The following LRRC58 variants were observed in gnomAD, a reference collection of about 807,000 sequenced individuals.
LRRC58 encodes leucine rich repeat containing 58, also known as leucine-rich repeat-containing protein 58.
Under a neutral mutation model 30.6 loss-of-function variants are expected in LRRC58, and 18 were observed. The ratio of observed to expected loss-of-function variants is 0.59; its 90% CI spans 0.41 to 0.87. LRRC58 has a LOEUF of 0.87. LRRC58 is among the 40% of genes least tolerant of loss of function. The pLI, the probability that LRRC58 is intolerant of heterozygous loss-of-function variation, is 0.00. For synonymous variants in LRRC58, 221 were observed against 206.0 expected (o/e 1.07, Z -0.62); for missense variants, 420 against 468.4 (o/e 0.90, Z 0.95).
chr3:120,339,249 G>A lies in LRRC58; in HGVS notation c.501-3296C>T, dbSNP rs6803206. On this transcript the variant is annotated intron_variant, in intron 1 of 3. Transcript: ENST00000295628. ...CCAGGAGTTACCCCCTTCAATTTTC[G>A]TTGTACTCTCTCAGTCTCAAACACA... is the stretch of plus-strand genomic sequence containing the variant. Among the ~76,000 whole-genome samples, 12 of 151,730 alleles carry A rather than the reference G, an allele frequency of 7.9e-5. No homozygotes were observed. In the South Asian group the frequency reaches 1.9e-3, roughly 24 times the overall value.
intron 1 of LRRC58, among the ~76,000 whole-genome samples, chr3:120,340,378 T>C (rs991440080): frequency 1.3e-5 from 2 of 152,204 alleles, no homozygotes; most frequent in African/African-American, 4.8e-5. Context: ...ATTGGGGTTT[T>C]CATAATTGTC....
At chr3:120,345,112 C>T (rs1348835980) in intron 1 of LRRC58, among the ~76,000 whole-genome samples, 3 of 131,482 alleles carry the variant, frequency 2.3e-5, no homozygotes, top group East Asian at 2.0e-4. Context: ...CTTCAGAAAA[C>T]GTTAAAAAAA....
intron 1 of LRRC58, among the ~76,000 whole-genome samples, chr3:120,339,484 C>A (rs140160243): frequency 3.3e-4 from 50 of 152,278 alleles, no homozygotes; most frequent in African/African-American, 1.2e-3. Context: ...AGCAAGAACT[C>A]ATGGTTGTTA....
At chr3:120,336,088 G>T (rs1473071098) in intron 1 of LRRC58, 135 bp from the exon 2 acceptor site, 2 of 628,158 alleles carry the variant, frequency 3.2e-6, no homozygotes, top group South Asian at 4.7e-5. Context: ...GTGCTATCCA[G>T]TCTCTAGAGA....
At position 120,329,794 on chromosome 3, in the gene LRRC58, T is replaced by C. The variant is rs1361410856; in HGVS notation, c.*1406A>G. On this transcript the variant is annotated 3_prime_UTR_variant, in exon 4 of 4. Transcript: ENST00000295628. ...AGGTTTAACATTAACCAACAAGTCATGTTATTAGTTATTTAATGATTACCA... is the reference window on the plus strand; with the variant it reads ...AGGTTTAACATTAACCAACAAGTCACGTTATTAGTTATTTAATGATTACCA... 3.9e-5 allele frequency: 6 copies of C among 152,044 alleles called. No individual in the cohort carries two copies. The highest frequency in any genetic ancestry group is 7.4e-5 in the Non-Finnish European group (5 of 67,930). The allele number at this position is 152,044 out of a possible 1,614,324, so 9.4% of individuals were successfully genotyped here.
intron 1 of LRRC58, among the ~76,000 whole-genome samples, chr3:120,345,851 A>G (rs892929337): frequency 2.0e-5 from 3 of 152,254 alleles, no homozygotes; most frequent in African/African-American, 7.2e-5. Flanking sequence ...ACAATGAACA[A>G]TAAACACAGA....
At chr3:120,337,980 T>C (rs527635127) in intron 1 of LRRC58, among the ~76,000 whole-genome samples, 4 of 152,082 alleles carry the variant, frequency 2.6e-5, no homozygotes, top group South Asian at 2.1e-4. Flanking sequence ...GGAGCTAGGA[T>C]TACAGGTCCC....
chr3:120,331,229 G>C lies in LRRC58; in HGVS notation c.1087C>G (p.Arg363Gly). The C allele has an allele frequency of 6.2e-7, 1 of 1,613,942 alleles. No homozygotes were observed. The highest frequency in any genetic ancestry group is 8.5e-7 in the Non-Finnish European group (1 of 1,179,870). Residue 363 changes from arginine (R) to glycine (G), a missense_variant, in exon 4 of 4, where the codon CGC (arginine) becomes GGC (glycine). This residue lies in a region of LRRC58 where 154 missense variants were observed against 216.8 expected (regional missense o/e 0.71). Coordinates refer to ENST00000295628, the MANE Select transcript of LRRC58 (RefSeq NM_001099678.2). ...CCAAGAAGAACTTTCTGCATTCTGC[G>C]TGCAGCAACACTAGCTTCATCTTCT... is the stretch of plus-strand genomic sequence containing the variant. Reference protein sequence around the residue: ...DSEDEASVAARRMQKVLLG With the variant: ...DSEDEASVAAGRMQKVLLG
intron 1 of LRRC58, among the ~76,000 whole-genome samples, chr3:120,343,400 G>A (rs969686722): frequency 2.0e-5 from 3 of 152,122 alleles, no homozygotes; most frequent in Non-Finnish European, 4.4e-5. Context: ...TAGCAAAACT[G>A]TAGGGTTTAA....
intron 1 of LRRC58, among the ~76,000 whole-genome samples, chr3:120,343,081 G>C (rs948025468): frequency 4.6e-5 from 7 of 152,222 alleles, no homozygotes; most frequent in African/African-American, 1.7e-4. Flanking sequence ...CGGAAAGGAT[G>C]CAAAACATTA....
At chr3:120,343,870 A>G (rs1468431882) in intron 1 of LRRC58, among the ~76,000 whole-genome samples, 1 of 152,052 alleles carries the variant, frequency 6.6e-6, no homozygotes, top group Non-Finnish European at 1.5e-5. Context: ...TCTCTACTGA[A>G]AATAAAATTT....
At chr3:120,336,404 G>A (rs1279259224) in intron 1 of LRRC58, among the ~76,000 whole-genome samples, 2 of 152,178 alleles carry the variant, frequency 1.3e-5, no homozygotes, top group Non-Finnish European at 2.9e-5. Context: ...GGCTTGTGAA[G>A]GCACAATGAA....
At position 120,329,016 on chromosome 3, in the gene LRRC58, G is replaced by A. The variant is rs916516889; in HGVS notation, c.*2184C>T. 5.9e-5 allele frequency: 9 copies of A among 152,120 alleles called. No homozygotes were observed. Among genetic ancestry groups the A allele is most frequent in the African/African-American group, 2.2e-4 (9 of 41,432 alleles). 9.4% of individuals were successfully genotyped at this position (152,120 alleles called of 1,614,324 possible). A position where few individuals can be genotyped will look rare whatever the true frequency, so the allele number is the denominator to read the frequency against. ...AAAGATGAAGCAGTAGACCTTTCTA[G>A]GAAGCTGGAAAGGGTATGTAAGATT... On this transcript the variant is annotated 3_prime_UTR_variant, in exon 4 of 4. Coordinates refer to ENST00000295628, the MANE Select transcript of LRRC58 (RefSeq NM_001099678.2).
intron 1 of LRRC58, among the ~76,000 whole-genome samples, chr3:120,341,291 G>A (rs1031654601): frequency 6.6e-6 from 1 of 152,046 alleles, no homozygotes; most frequent in Non-Finnish European, 1.5e-5. Flanking sequence ...GAAACTACTA[G>A]GTTCCTGGAA....
At position 120,346,321 on chromosome 3, in the gene LRRC58, C is replaced by T. The variant is rs546648456; in HGVS notation, c.500+2423G>A. On this transcript the variant is annotated intron_variant, in intron 1 of 3. Coordinates refer to ENST00000295628, the MANE Select transcript of LRRC58 (RefSeq NM_001099678.2). ...AAAAAACCATGACCCTCCAACCCCC[C>T]AACAAAGATTCAGGTTCTAGTACTC... Among the ~76,000 whole-genome samples, 17 of 152,174 alleles carry T rather than the reference C, an allele frequency of 1.1e-4. No homozygotes were observed. In the East Asian group the frequency reaches 2.7e-3, roughly 24 times the overall value.
intron 3 of LRRC58, among the ~76,000 whole-genome samples, chr3:120,333,848 C>T (rs1281099240): frequency 1.3e-5 from 2 of 152,196 alleles, no homozygotes; most frequent in African/African-American, 4.8e-5. Context: ...GCCCCATACT[C>T]TTCTGTCTCC....
intron 1 of LRRC58, among the ~76,000 whole-genome samples, chr3:120,339,385 C>T (rs1935874867): frequency 6.6e-6 from 1 of 152,150 alleles, no homozygotes; most frequent in South Asian, 2.1e-4. Flanking sequence ...TCAGATTTAT[C>T]AATATGTTTT....
chr3:120,329,604 G>C lies in LRRC58; in HGVS notation c.*1596C>G, dbSNP rs1935725941. ...AACACATAAACCCTGAATTATGCTAGTTTCTTCTAAAATAAAAAATATATA... is the reference window on the plus strand; with the variant it reads ...AACACATAAACCCTGAATTATGCTACTTTCTTCTAAAATAAAAAATATATA... On this transcript the variant is annotated 3_prime_UTR_variant, in exon 4 of 4. Transcript: ENST00000295628. 6.6e-6 allele frequency: 1 copy of C among 151,782 alleles called. No homozygotes were observed. Among genetic ancestry groups the C allele is most frequent in the Non-Finnish European group, 1.5e-5 (1 of 67,888 alleles). The allele number at this position is 151,782 out of a possible 1,614,324, so 9.4% of individuals were successfully genotyped here.
At chr3:120,347,446 C>A (rs1298668426) in intron 1 of LRRC58, among the ~76,000 whole-genome samples, 21 of 131,220 alleles carry the variant, frequency 1.6e-4, no homozygotes. Context: ...CTGCGGACTG[C>A]AGTGGCGCAA....
Sources: gnomAD v4.1 joint callset for allele counts (sites outside exome capture counted in the v4.1 genomes callset) on GRCh38, gnomAD v4.1.1 for gene constraint, gnomAD v4.1.1 regional missense constraint, MANE v1.5 for transcripts, NCBI Gene and HGNC (gene_info 2026-07-23, HGNC 2026-07-21) for gene names.